Variants in ADGRL3 observed in about 807,000 individuals in gnomAD.
ADGRL3 encodes calcium-independent alpha-latrotoxin receptor 3.
A neutral mutation model predicts 153.5 loss-of-function variants in ADGRL3; 62 were observed. That is an observed-to-expected ratio of 0.40 (90% CI 0.33 to 0.50). ADGRL3 has a LOEUF of 0.50. Ranked by LOEUF, ADGRL3 falls within the 20% of genes least tolerant of loss-of-function variation. ADGRL3 has a pLI of 0.47. For synonymous variants in ADGRL3, 710 were observed against 672.5 expected (o/e 1.06, Z -0.86); for missense variants, 1,641 against 1,859.4 (o/e 0.88, Z 2.16).
chr4:61,711,457 ATTATATAT>A lies in ADGRL3; in HGVS notation c.584-19164_584-19157del, dbSNP rs1466564155. On this transcript the variant is annotated intron_variant, in intron 6 of 26. Transcript: ENST00000683033. ...AATACTATCTTAAAACATATGCTTCATTATATATATATATATATATATATATATATATA... is the reference window on the plus strand; with the variant it reads ...AATACTATCTTAAAACATATGCTTCAATATATATATATATATATATATATA... 3.1e-3 allele frequency among the ~76,000 whole-genome samples: 136 copies of A among 43,860 alleles called. 1 individual carries two copies. Among genetic ancestry groups the A allele is most frequent in the African/African-American group, 0.011 (123 of 10,994 alleles). 28.8% of individuals were successfully genotyped at this position (43,860 alleles called of 152,430 possible). A position where few individuals can be genotyped will look rare whatever the true frequency, so the allele number is the denominator to read the frequency against.
chr4:61,997,250 A>G (rs976679541), intron 20 of ADGRL3, among the ~76,000 whole-genome samples: 9 of 151,938 alleles, frequency 5.9e-5, no homozygotes, highest in Non-Finnish European at 1.0e-4. Flanking sequence ...TCAACAGAAA[A>G]AAAAAAAAAA....
Position 61,221,844 on chromosome 4 carries a change from T to C in ADGRL3, c.-240+20079T>C, listed in dbSNP as rs111319840. ...TCAAAGATAAAAAATATTCGCAATA[T>C]AGTTTTGTCTAGCTGTCAGCTTAGA... On this transcript the variant is annotated intron_variant, in intron 1 of 26. Coordinates refer to ENST00000683033, the MANE Select transcript of ADGRL3 (RefSeq NM_001387552.1). Among the ~76,000 whole-genome samples, 45 of 152,286 alleles carry C rather than the reference T, an allele frequency of 3.0e-4. 1 individual carries two copies. The highest frequency in any genetic ancestry group is 9.9e-4 in the African/African-American group (41 of 41,576).
intron 16 of ADGRL3, among the ~76,000 whole-genome samples, chr4:61,947,850 A>G (rs2150313273): frequency 6.6e-6 from 1 of 152,324 alleles, no homozygotes; most frequent in South Asian, 2.1e-4. Context: ...ATTTTGAAAC[A>G]TTGGTACTAG....
rs538970642 is a variant in ADGRL3, at chr4:61,396,614, G to T, written c.-174+13425G>T. Among the ~76,000 whole-genome samples, 6 of 151,986 alleles carry T rather than the reference G, an allele frequency of 3.9e-5. No individual in the cohort carries two copies. In the East Asian group the frequency reaches 9.7e-4, roughly 24 times the overall value. ...CATATTTTACAGTGTAGGTCAAAAT[G>T]ATGAGTAACCAACACAATTTTGACT... On this transcript the variant is annotated intron_variant, in intron 2 of 26. Transcript: ENST00000683033.
At chr4:61,560,968 A>C (rs182757020) in intron 4 of ADGRL3, among the ~76,000 whole-genome samples, 311 of 152,238 alleles carry the variant, frequency 2.0e-3, no homozygotes, top group African/African-American at 7.1e-3. Flanking sequence ...ATATATAGAT[A>C]TTGGTAAAAG....
chr4:61,497,522 T>C (rs1300090852), intron 3 of ADGRL3, among the ~76,000 whole-genome samples, 174 bp downstream of exon 3: 2 of 146,800 alleles, frequency 1.4e-5, no homozygotes, highest in Admixed American at 6.8e-5. Context: ...TTTCTTTTTT[T>C]TTTTTTTTTT....
intron 4 of ADGRL3, among the ~76,000 whole-genome samples, chr4:61,586,045 C>T (rs1315803201): frequency 6.6e-6 from 1 of 151,726 alleles, no homozygotes; most frequent in East Asian, 1.9e-4. Context: ...TAAAGTAGTA[C>T]AAGTTAAAGA....
At chr4:61,730,509 A>G (rs1212069786) in intron 6 of ADGRL3, 113 bp from the exon 7 acceptor site, 1 of 312,462 alleles carries the variant, frequency 3.2e-6, no homozygotes, top group Non-Finnish European at 6.3e-6. Context: ...TATGAGTGAA[A>G]TAAATTATTT....
At chr4:61,914,377 A>T (rs2098735883) in intron 13 of ADGRL3, among the ~76,000 whole-genome samples, 1 of 152,180 alleles carries the variant, frequency 6.6e-6, no homozygotes, top group Non-Finnish European at 1.5e-5. Context: ...AGAGACAAAC[A>T]TACAAATTTA....
At chr4:61,631,374 G>A (rs1303602154) in intron 5 of ADGRL3, among the ~76,000 whole-genome samples, 1 of 152,182 alleles carries the variant, frequency 6.6e-6, no homozygotes, top group African/African-American at 2.4e-5. Flanking sequence ...GCACATTAAT[G>A]CCTTTAAAAG....
intron 1 of ADGRL3, among the ~76,000 whole-genome samples, chr4:61,204,833 A>G (rs147357262): frequency 3.7e-4 from 57 of 152,262 alleles, no homozygotes; most frequent in African/African-American, 1.4e-3. Context: ...CCTGATGGGT[A>G]AATGCTTTTG....
At chr4:62,054,412 GA>G (rs200288397) in intron 25 of ADGRL3, among the ~76,000 whole-genome samples, 461 of 151,654 alleles carry the variant, frequency 3.0e-3, no homozygotes, top group African/African-American at 0.011. Flanking sequence ...TAAGCAGTTG[GA>G]AAACCTAAAA....
chr4:61,577,108 AT>A (rs1157532487), intron 4 of ADGRL3, among the ~76,000 whole-genome samples: 1 of 151,656 alleles, frequency 6.6e-6, no homozygotes, highest in Non-Finnish European at 1.5e-5. Context: ...CAAAACAAAA[AT>A]TATATGCCAC....
chr4:61,857,282 G>C (rs553720566), intron 9 of ADGRL3, among the ~76,000 whole-genome samples: 1 of 151,952 alleles, frequency 6.6e-6, no homozygotes, highest in Admixed American at 6.6e-5. Context: ...AGGAGAAAAG[G>C]TTCTATAAGG....
chr4:61,963,333 G>A (rs1341985895), intron 17 of ADGRL3, among the ~76,000 whole-genome samples: 1 of 151,700 alleles, frequency 6.6e-6, no homozygotes, highest in South Asian at 2.1e-4. Flanking sequence ...CATGTCACAG[G>A]GTCTTAGTGG....
intron 6 of ADGRL3, among the ~76,000 whole-genome samples, chr4:61,722,725 C>T (rs1277545832): frequency 2.0e-5 from 3 of 152,004 alleles, no homozygotes; most frequent in Non-Finnish European, 2.9e-5. Context: ...AAGATCTTTA[C>T]TCATCAGTTT....
At chr4:61,653,151 G>GTC (rs58848073) in intron 5 of ADGRL3, among the ~76,000 whole-genome samples, 197 of 134,176 alleles carry the variant, frequency 1.5e-3, no homozygotes, top group Middle Eastern at 3.7e-3. Flanking sequence ...CTCTCTCTCT[G>GTC]TCTCTCTCTC....
chr4:61,639,958 A>G (rs1198312616), intron 5 of ADGRL3, among the ~76,000 whole-genome samples: 1 of 152,130 alleles, frequency 6.6e-6, no homozygotes, highest in Non-Finnish European at 1.5e-5. Context: ...CACACTCATT[A>G]AAGGAGCACA....
At chr4:61,419,796 A>AT (rs200189725) in intron 2 of ADGRL3, among the ~76,000 whole-genome samples, 2,288 of 143,746 alleles carry the variant, frequency 0.016, 32 homozygotes, top group Middle Eastern at 0.057. Flanking sequence ...ACATATTTAG[A>AT]TTTTTTTTTT....
Sources: allele counts gnomAD v4.1 joint callset (sites outside exome capture counted in the v4.1 genomes callset), GRCh38; gene constraint gnomAD v4.1.1; transcripts MANE v1.5; gene names NCBI Gene and HGNC (gene_info 2026-07-23, HGNC 2026-07-21).